Variants in GRID2 observed in about 807,000 individuals in gnomAD.
The protein encoded by GRID2 is glutamate ionotropic receptor delta type subunit 2.
GRID2 carries 33 observed loss-of-function variants against 114.8 expected under a neutral mutation model. That is an observed-to-expected ratio of 0.29 (90% CI 0.22 to 0.38). GRID2 has a LOEUF of 0.38. Among genes scored for constraint, GRID2 ranks in the 10% least tolerant of loss-of-function variants. GRID2 has a pLI of 1.00. For missense variants in GRID2, 1,184 were observed against 1,257.7 expected, an observed-to-expected ratio of 0.94 and a Z score of 0.89; for synonymous variants, 505 against 449.9, an observed-to-expected ratio of 1.12 and a Z score of -1.55.
At chr4:93,375,236 C>T (rs1208940409) in intron 8 of GRID2, among the ~76,000 whole-genome samples, 1 of 129,696 alleles carries the variant, frequency 7.7e-6, no homozygotes, top group East Asian at 2.1e-4. Flanking sequence ...TTTTTTGAGA[C>T]AGAATCTCAC....
chr4:92,751,606 T>A (rs1737458243), intron 2 of GRID2, among the ~76,000 whole-genome samples: 1 of 152,242 alleles, frequency 6.6e-6, no homozygotes, highest in African/African-American at 2.4e-5. Context: ...ATAAAGTATA[T>A]ATGTGCTATA....
intron 12 of GRID2, among the ~76,000 whole-genome samples, chr4:93,498,205 G>A (rs907803152): frequency 6.6e-6 from 1 of 151,780 alleles, no homozygotes; most frequent in Non-Finnish European, 1.5e-5. Context: ...ATATCAAGGT[G>A]CCAGCAGGTT....
chr4:93,546,088 G>C (rs1249395217), intron 13 of GRID2, among the ~76,000 whole-genome samples: 1 of 152,144 alleles, frequency 6.6e-6, no homozygotes, highest in Non-Finnish European at 1.5e-5. Context: ...TTTGGAGATT[G>C]CTCTAAGAAA....
chr4:93,506,952 C>T (rs1054327055), intron 12 of GRID2, among the ~76,000 whole-genome samples: 4 of 152,188 alleles, frequency 2.6e-5, no homozygotes, highest in Non-Finnish European at 5.9e-5. Flanking sequence ...CTCTGGGTTC[C>T]TCCTGAATTA....
chr4:92,362,098 G>C (rs1277100234), intron 1 of GRID2, among the ~76,000 whole-genome samples: 4 of 151,918 alleles, frequency 2.6e-5, no homozygotes, highest in African/African-American at 9.7e-5. Flanking sequence ...TGGTTTATTG[G>C]CATGAATGAT....
chr4:93,034,229 C>T (rs1724704884), intron 2 of GRID2, among the ~76,000 whole-genome samples: 1 of 152,170 alleles, frequency 6.6e-6, no homozygotes, highest in South Asian at 2.1e-4. Flanking sequence ...GGGAAGAAAA[C>T]TCAGACAAAA....
At chr4:92,848,739 G>A (rs1244775923) in intron 2 of GRID2, among the ~76,000 whole-genome samples, 1 of 151,878 alleles carries the variant, frequency 6.6e-6, no homozygotes, top group African/African-American at 2.4e-5. Context: ...TGGAGATAGG[G>A]TCTTTAAAGA....
chr4:93,027,050 A>G (rs1723946050), intron 2 of GRID2, among the ~76,000 whole-genome samples: 1 of 151,730 alleles, frequency 6.6e-6, no homozygotes, highest in Admixed American at 6.6e-5. Context: ...TACATTGGCA[A>G]ATCAACTGTG....
intron 2 of GRID2, among the ~76,000 whole-genome samples, chr4:93,004,440 G>A (rs183317851): frequency 1.9e-3 from 292 of 152,072 alleles, no homozygotes; most frequent in African/African-American, 5.6e-3. Context: ...CTATGGCAAA[G>A]CCTAAACTAT....
chr4:93,606,194 A>C (rs1740217557), intron 13 of GRID2, among the ~76,000 whole-genome samples: 1 of 152,038 alleles, frequency 6.6e-6, no homozygotes, highest in African/African-American at 2.4e-5. Flanking sequence ...TTTTACCCGG[A>C]AAACAGAGAC....
intron 2 of GRID2, among the ~76,000 whole-genome samples, chr4:92,889,620 C>T (rs773392281): frequency 8.6e-5 from 13 of 152,042 alleles, no homozygotes; most frequent in Non-Finnish European, 4.4e-5. Context: ...AATGAGAGGA[C>T]GCAAACAAAT....
At chr4:92,905,712 A>G (rs796449734) in intron 2 of GRID2, among the ~76,000 whole-genome samples, 17 of 143,636 alleles carry the variant, frequency 1.2e-4, no homozygotes, top group African/African-American at 4.1e-4. Context: ...ATATTGGGCA[A>G]TGAAAGTCTA....
At chr4:93,247,894 A>G (rs775437714) in intron 8 of GRID2, among the ~76,000 whole-genome samples, 81 of 152,142 alleles carry the variant, frequency 5.3e-4, no homozygotes, top group Non-Finnish European at 9.8e-4. Context: ...ATTCACAGAC[A>G]TGAATATGCT....
At chr4:93,664,984 G>A (rs1348068586) in intron 14 of GRID2, among the ~76,000 whole-genome samples, 3 of 152,004 alleles carry the variant, frequency 2.0e-5, no homozygotes, top group Non-Finnish European at 4.4e-5. Context: ...GTAGGTGTGG[G>A]GTTTCTTATA....
chr4:93,542,022 C>T (rs1042396812), intron 13 of GRID2, among the ~76,000 whole-genome samples: 1 of 152,162 alleles, frequency 6.6e-6, no homozygotes, highest in African/African-American at 2.4e-5. Context: ...GAAATGATTC[C>T]TTACTTTGCC....
At chr4:92,366,145 C>T (rs537938774) in intron 1 of GRID2, among the ~76,000 whole-genome samples, 2 of 151,972 alleles carry the variant, frequency 1.3e-5, no homozygotes, top group Admixed American at 1.3e-4. Flanking sequence ...TAGCATAATA[C>T]TTTCTTTTTT....
intron 2 of GRID2, among the ~76,000 whole-genome samples, chr4:92,982,461 C>A (rs1404397787): frequency 6.6e-6 from 1 of 152,018 alleles, no homozygotes; most frequent in East Asian, 1.9e-4. Context: ...AATTGAATAA[C>A]CTACATAAGT....
At chr4:93,517,898 A>C (rs975343955) in intron 13 of GRID2, among the ~76,000 whole-genome samples, 2 of 149,904 alleles carry the variant, frequency 1.3e-5, no homozygotes, top group Non-Finnish European at 3.0e-5. Context: ...ATATATATAT[A>C]TATGTATGTG....
chr4:92,622,308 A>G (rs1202843397), intron 2 of GRID2, among the ~76,000 whole-genome samples: 1 of 151,762 alleles, frequency 6.6e-6, no homozygotes, highest in Non-Finnish European at 1.5e-5. Flanking sequence ...TACTGTTTTC[A>G]TGGTTAGGCA....
Sources: allele counts gnomAD v4.1 joint callset (sites outside exome capture counted in the v4.1 genomes callset), GRCh38; gene constraint gnomAD v4.1.1; transcripts MANE v1.5; gene names NCBI Gene and HGNC (gene_info 2026-07-23, HGNC 2026-07-21).